Variants in FGFR2 observed in about 807,000 individuals in gnomAD.
FGFR2 encodes the protein fibroblast growth factor receptor 2.
In FGFR2, 19 loss-of-function variants were observed where a neutral mutation model predicts 95.9. That is an observed-to-expected ratio of 0.20 (90% CI 0.14 to 0.29). FGFR2 has a LOEUF of 0.29. Ranked by LOEUF, FGFR2 falls within the 10% of genes least tolerant of loss-of-function variation. The pLI is 1.00. For missense variants in FGFR2, 707 were observed against 1,056.9 expected, an observed-to-expected ratio of 0.67 and a Z score of 4.59; for synonymous variants, 392 against 393.3, an observed-to-expected ratio of 1.00 and a Z score of 0.04.
At chr10:121,524,013 C>G (rs1850930550) in intron 6 of FGFR2, among the ~76,000 whole-genome samples, 1 of 152,082 alleles carries the variant, frequency 6.6e-6, no homozygotes, top group Non-Finnish European at 1.5e-5. Flanking sequence ...GCAGGGCCCA[C>G]TACAGAGCTG....
At chr10:121,556,714 G>A (rs1856212990) in intron 4 of FGFR2, among the ~76,000 whole-genome samples, 1 of 152,112 alleles carries the variant, frequency 6.6e-6, no homozygotes, top group Non-Finnish European at 1.5e-5. Context: ...AGATTTATGT[G>A]AGCCGCGGCC....
At chr10:121,550,211 A>G (rs1422580743) in intron 5 of FGFR2, among the ~76,000 whole-genome samples, 1 of 152,070 alleles carries the variant, frequency 6.6e-6, no homozygotes, top group African/African-American at 2.4e-5. Context: ...TTCCATGTAC[A>G]TCCATGGGAT....
rs748232060 is a variant in FGFR2, at chr10:121,496,628, G to A, written c.1767C>T (p.Asp589=). Reference sequence around the variant, plus strand: ...TCTGCTCCTCAGGAACACGGTTAATGTCATAGGAGTACTCCATCCCGGGTG... The same window carrying A: ...TCTGCTCCTCAGGAACACGGTTAATATCATAGGAGTACTCCATCCCGGGTG... ...RRPPGMEYSY[D]INRVPEEQMT... The change falls in exon 13 of 18, where the codon GAC becomes GAT. Residue 589 remains aspartate, a synonymous_variant. Transcript: ENST00000358487. 6.2e-7 allele frequency: 1 copy of A among 1,612,856 alleles called. No homozygotes were observed. Among genetic ancestry groups the A allele is most frequent in the East Asian group, 2.2e-5 (1 of 44,772 alleles).
At chr10:121,537,181 A>C (rs1241392400) in intron 6 of FGFR2, among the ~76,000 whole-genome samples, 1 of 152,190 alleles carries the variant, frequency 6.6e-6, no homozygotes, top group Admixed American at 6.5e-5. Flanking sequence ...TCTTTTATGA[A>C]TATCTATAGG....
At chr10:121,540,816 C>T (rs777031344) in intron 5 of FGFR2, among the ~76,000 whole-genome samples, 1 of 152,196 alleles carries the variant, frequency 6.6e-6, no homozygotes, top group Non-Finnish European at 1.5e-5. Flanking sequence ...ACGGCTAGTG[C>T]CTGTCTCTGG....
intron 5 of FGFR2, among the ~76,000 whole-genome samples, chr10:121,539,557 T>C (rs997233769): frequency 1.3e-5 from 2 of 152,210 alleles, no homozygotes; most frequent in South Asian, 2.1e-4. Context: ...TTGCGAGAGT[T>C]TTCCTTACCA....
chr10:121,566,280 T>C (rs3135730), intron 2 of FGFR2, among the ~76,000 whole-genome samples: 26,317 of 152,112 alleles, frequency 0.17, 3,656 homozygotes, highest in African/African-American at 0.39. Flanking sequence ...GATCAGTACT[T>C]TGCCGGTTTA....
At chr10:121,591,898 G>C (rs1442304550) in intron 2 of FGFR2, among the ~76,000 whole-genome samples, 1 of 152,156 alleles carries the variant, frequency 6.6e-6, no homozygotes, top group Non-Finnish European at 1.5e-5. Flanking sequence ...CTCACTCGGG[G>C]AACTTCGTCC....
At chr10:121,561,375 G>A (rs904653754) in intron 4 of FGFR2, among the ~76,000 whole-genome samples, 1 of 146,456 alleles carries the variant, frequency 6.8e-6, no homozygotes, top group Non-Finnish European at 1.5e-5. Flanking sequence ...GGTGAGCTGA[G>A]ATCGCACCAT....
In FGFR2 at chr10:121,557,883, CA is replaced by C. The variant is rs891370056; in HGVS notation, c.455-6425del. 1.9e-3 allele frequency among the ~76,000 whole-genome samples: 282 copies of C among 151,758 alleles called. 2 individuals carry two copies. Among genetic ancestry groups the C allele is most frequent in the African/African-American group, 6.4e-3 (265 of 41,406 alleles). On this transcript the variant is annotated intron_variant, in intron 4 of 17. Coordinates refer to ENST00000358487, the MANE Select transcript of FGFR2 (RefSeq NM_000141.5). ...TACCTTCATTTTCCCTAGGTACTTCCAAAAAAAATAGCCTTTCTCCCTGACA... is the reference window on the plus strand; with the variant it reads ...TACCTTCATTTTCCCTAGGTACTTCCAAAAAAATAGCCTTTCTCCCTGACA...
At position 121,499,394 on chromosome 10, in the gene FGFR2, T is replaced by C. The variant is rs41295639; in HGVS notation, c.1562-789A>G. ...TAAGAACCATGTTGCAAACAGTTTTTTAGCTTCACAAAAGGAAGATCAATA... is the reference window on the plus strand; with the variant it reads ...TAAGAACCATGTTGCAAACAGTTTTCTAGCTTCACAAAAGGAAGATCAATA... On this transcript the variant is annotated intron_variant, in intron 11 of 17. Transcript: ENST00000358487. Among the ~76,000 whole-genome samples, 280 of 152,298 alleles carry C rather than the reference T, an allele frequency of 1.8e-3. 1 individual carries two copies. Among genetic ancestry groups the C allele is most frequent in the Middle Eastern group, 0.01 (3 of 294 alleles).
In FGFR2 at chr10:121,488,218, T is replaced by C. The variant is rs1347854066; in HGVS notation, c.1864-105A>G. On this transcript the variant is annotated intron_variant, in intron 13 of 17. Coordinates refer to ENST00000358487, the MANE Select transcript of FGFR2 (RefSeq NM_000141.5). ...AAATGCAGATAGAAAATATAGCTGATGTTAAAAACCAGTTGCGGTATACTA... is the reference window on the plus strand; with the variant it reads ...AAATGCAGATAGAAAATATAGCTGACGTTAAAAACCAGTTGCGGTATACTA... The C allele has an allele frequency of 2.7e-6, 4 of 1,502,944 alleles. No homozygotes were observed. In the East Asian group the frequency reaches 9.3e-5, roughly 35 times the overall value. The allele number at this position is 1,502,944 out of a possible 1,614,324, so 93.1% of individuals were successfully genotyped here.
At chr10:121,507,205 G>T (rs555654645) in intron 9 of FGFR2, among the ~76,000 whole-genome samples, 33 of 152,308 alleles carry the variant, frequency 2.2e-4, no homozygotes, top group Admixed American at 1.7e-3. Context: ...AGATTGTCAG[G>T]GTCCCTGTCC....
intron 6 of FGFR2, among the ~76,000 whole-genome samples, chr10:121,537,106 A>G (rs909819235): frequency 5.3e-5 from 8 of 152,248 alleles, no homozygotes; most frequent in African/African-American, 7.2e-5. Context: ...ATATCTGAAC[A>G]TGGTAATTCT....
chr10:121,578,357 G>C (rs1287650318), intron 2 of FGFR2, among the ~76,000 whole-genome samples: 2 of 152,142 alleles, frequency 1.3e-5, no homozygotes, highest in Non-Finnish European at 2.9e-5. Flanking sequence ...TCTGCTGCCT[G>C]GCAGGCTCCT....
In FGFR2 at chr10:121,478,506, GGGTGTTT is replaced by G; in HGVS notation, c.*1344_*1350del. On this transcript the variant is annotated 3_prime_UTR_variant, in exon 18 of 18. Transcript: ENST00000358487. ...CTTGCACGGCTATTGCAAAGTGAGT[GGGTGTTT>G]CCAAAGCAAAACACAATACTTTAGT... is the stretch of plus-strand genomic sequence containing the variant. 1 of 233,454 alleles carries G rather than the reference GGGTGTTT, an allele frequency of 4.3e-6. No homozygotes were observed. The allele number at this position is 233,454 out of a possible 1,614,324, so 14.5% of individuals were successfully genotyped here.
In FGFR2 at chr10:121,517,186, G is replaced by A. The variant is rs1400075221; in HGVS notation, c.1084+133C>T. 1 of 986,120 alleles carries A rather than the reference G, an allele frequency of 1.0e-6. No homozygotes were observed. The highest frequency in any genetic ancestry group is 1.4e-5 in the South Asian group (1 of 72,700). The allele number at this position is 986,120 out of a possible 1,614,324, so 61.1% of individuals were successfully genotyped here. Reference sequence around the variant, plus strand: ...CAAGGCAGTTTTCTTATCCCTGAGGGATCATTTTTAACATTTTTTATATCT... The same window carrying A: ...CAAGGCAGTTTTCTTATCCCTGAGGAATCATTTTTAACATTTTTTATATCT... On this transcript the variant is annotated intron_variant, in intron 8 of 17. Coordinates refer to ENST00000358487, the MANE Select transcript of FGFR2 (RefSeq NM_000141.5). The surrounding 1 kb of genome is among the most constrained non-coding windows in gnomAD (Gnocchi z 4.7).
chr10:121,574,645 C>A (rs1564720049), intron 2 of FGFR2, among the ~76,000 whole-genome samples: 1 of 152,120 alleles, frequency 6.6e-6, no homozygotes, highest in African/African-American at 2.4e-5. Flanking sequence ...TACACAGCAA[C>A]GAAGACAGCC....
intron 17 of FGFR2, among the ~76,000 whole-genome samples, chr10:121,482,707 C>T (rs1252091045): frequency 6.6e-6 from 1 of 152,196 alleles, no homozygotes; most frequent in African/African-American, 2.4e-5. Flanking sequence ...ATAAAAGGCA[C>T]TCTATCTGCA....
Sources: gnomAD v4.1 joint callset for allele counts (sites outside exome capture counted in the v4.1 genomes callset) on GRCh38, gnomAD v4.1.1 for gene constraint, Gnocchi (gnomAD v3.1) non-coding constraint, MANE v1.5 for transcripts, NCBI Gene and HGNC (gene_info 2026-07-23, HGNC 2026-07-21) for gene names.